Variants in ZFHX3 observed in about 807,000 individuals in gnomAD.
ZFHX3 encodes zinc finger homeobox 3, also known as zinc finger homeobox protein 3.
A neutral mutation model predicts 279.1 loss-of-function variants in ZFHX3; 42 were observed. The observed-to-expected ratio is 0.15, with a 90% CI of 0.12 to 0.19. The LOEUF (loss-of-function observed/expected upper bound fraction) is 0.19, where lower values mean the gene tolerates loss of function less well. Ranked by LOEUF, ZFHX3 falls within the 10% of genes least tolerant of loss-of-function variation. The pLI is 1.00. For synonymous variants in ZFHX3, 2,293 were observed against 1,957.8 expected (o/e 1.17, Z -4.52); for missense variants, 4,981 against 4,754.0 (o/e 1.05, Z -1.40).
At chr16:73,429,395 C>T (rs1206232737) in intron 3 of ZFHX3, among the ~76,000 whole-genome samples, 2 of 151,696 alleles carry the variant, frequency 1.3e-5, no homozygotes, top group African/African-American at 4.8e-5. Context: ...TGTAGTGGTG[C>T]AATCTCGACT....
intron 7 of ZFHX3, among the ~76,000 whole-genome samples, chr16:73,102,976 G>A (rs1471130359): frequency 6.6e-6 from 1 of 152,130 alleles, no homozygotes; most frequent in Admixed American, 6.6e-5. Context: ...CCTAGCTGGA[G>A]TGTGGTGGTG....
chr16:73,635,211 A>G (rs929201518), intron 2 of ZFHX3, among the ~76,000 whole-genome samples: 2 of 152,202 alleles, frequency 1.3e-5, no homozygotes, highest in Admixed American at 6.5e-5. Context: ...TTTATATGGT[A>G]TAATTACAAA....
intron 1 of ZFHX3, among the ~76,000 whole-genome samples, chr16:73,780,988 T>C (rs1221662823): frequency 6.6e-6 from 1 of 152,198 alleles, no homozygotes; most frequent in East Asian, 1.9e-4. Flanking sequence ...GAAGAAGACT[T>C]GCATGTAAAA....
chr16:73,035,759 G>A (rs998765349), intron 1 of ZFHX3, among the ~76,000 whole-genome samples: 5 of 152,150 alleles, frequency 3.3e-5, no homozygotes, highest in Non-Finnish European at 5.9e-5. Flanking sequence ...AGCCGGGCAT[G>A]GTGGAAAACC....
At chr16:73,406,557 G>A (rs566645316) in intron 3 of ZFHX3, among the ~76,000 whole-genome samples, 9 of 152,250 alleles carry the variant, frequency 5.9e-5, no homozygotes, top group Non-Finnish European at 8.8e-5. Context: ...TCAACAATTC[G>A]TATGGAATGC....
chr16:73,199,130 G>C (rs572176242), intron 5 of ZFHX3, among the ~76,000 whole-genome samples: 1 of 152,318 alleles, frequency 6.6e-6, no homozygotes, highest in East Asian at 1.9e-4. Flanking sequence ...GGAAACTGAT[G>C]TCCAGGTTCA....
At chr16:73,044,117 A>G (rs952165140) in intron 1 of ZFHX3, among the ~76,000 whole-genome samples, 3 of 147,856 alleles carry the variant, frequency 2.0e-5, no homozygotes, top group Non-Finnish European at 3.0e-5. Flanking sequence ...CCTAGATTCT[A>G]TTAAAACTGG....
intron 3 of ZFHX3, among the ~76,000 whole-genome samples, chr16:72,911,733 C>T (rs549005332): frequency 6.6e-6 from 1 of 152,290 alleles, no homozygotes; most frequent in African/African-American, 2.4e-5. Flanking sequence ...TCGATGGCCC[C>T]GTGTGGCTGG....
chr16:73,109,642 A>G (rs887875452), intron 7 of ZFHX3, among the ~76,000 whole-genome samples: 1 of 152,326 alleles, frequency 6.6e-6, no homozygotes. Flanking sequence ...TGAGGCCAGC[A>G]GTTCAAGATC....
chr16:72,813,686 G>C (rs1349683483), intron 5 of ZFHX3, among the ~76,000 whole-genome samples: 1 of 152,102 alleles, frequency 6.6e-6, no homozygotes, highest in African/African-American at 2.4e-5. Flanking sequence ...GTCTCGAATC[G>C]ACTTCAAACC....
chr16:73,180,501 C>T (rs1435162655), intron 5 of ZFHX3, among the ~76,000 whole-genome samples: 1 of 152,168 alleles, frequency 6.6e-6, no homozygotes, highest in Admixed American at 6.5e-5. Context: ...AAGCCACGCC[C>T]ATCAGAGGTT....
Position 72,793,590 on chromosome 16 carries a change from A to G in ZFHX3, c.9092T>C (p.Ile3031Thr). Residue 3031 changes from isoleucine to threonine, a missense_variant, in exon 9 of 10, where the codon ATC becomes ACC. By Grantham distance (89) the Ile-to-Thr change is moderately conservative. Coordinates refer to ENST00000268489, the MANE Select transcript of ZFHX3 (RefSeq NM_006885.4). This position sits in a 1 kb window ranked among gnomAD's most constrained non-coding sequence, Gnocchi z 4.3. ...GPKTECTLCG[I>T]KYSARLSVRD... ...TACAGACAGCCGAGCGCTGTACTTGATGCCACACAAAGTGCACTCTGTTTT... is the reference window on the plus strand; with the variant it reads ...TACAGACAGCCGAGCGCTGTACTTGGTGCCACACAAAGTGCACTCTGTTTT... 1.2e-6 allele frequency: 2 copies of G among 1,614,216 alleles called. No homozygotes were observed. The highest frequency in any genetic ancestry group is 1.7e-6 in the Non-Finnish European group (2 of 1,180,044).
intron 2 of ZFHX3, among the ~76,000 whole-genome samples, chr16:73,580,912 G>A (rs1036216077): frequency 6.6e-6 from 1 of 151,768 alleles, no homozygotes; most frequent in African/African-American, 2.4e-5. Context: ...AAGATATCTT[G>A]CTGTGACCTT....
intron 4 of ZFHX3, among the ~76,000 whole-genome samples, chr16:73,299,544 A>G (rs74030043): frequency 0.02 from 3,046 of 152,250 alleles, 58 homozygotes; most frequent in South Asian, 0.072. Context: ...ATGTGGCGAT[A>G]TAAATCTTGA....
At chr16:73,459,740 A>T (rs1597343762) in intron 2 of ZFHX3, among the ~76,000 whole-genome samples, 3 of 152,064 alleles carry the variant, frequency 2.0e-5, no homozygotes, top group African/African-American at 7.2e-5. Flanking sequence ...TCATGGCAGG[A>T]GATAAAGGGG....
chr16:73,685,307 C>T lies in ZFHX3; in HGVS notation c.-1607-5067G>A, dbSNP rs62042368. On this transcript the variant is annotated intron_variant, in intron 1 of 17. Coordinates refer to the ZFHX3 transcript ENST00000641206. Reference sequence around the variant, plus strand: ...CTGGGATTACAGGCGTGAGCCACCACGCTCAGCCCACAAGGGTCTTTTAAA... The same window carrying T: ...CTGGGATTACAGGCGTGAGCCACCATGCTCAGCCCACAAGGGTCTTTTAAA... Among the ~76,000 whole-genome samples, 630 of 152,282 alleles carry T rather than the reference C, an allele frequency of 4.1e-3. 7 individuals are homozygous for T. Among genetic ancestry groups the T allele is most frequent in the Non-Finnish European group, 3.5e-3 (238 of 68,028 alleles).
chr16:73,620,808 T>C (rs1311896259), intron 2 of ZFHX3, among the ~76,000 whole-genome samples: 1 of 152,212 alleles, frequency 6.6e-6, no homozygotes, highest in Non-Finnish European at 1.5e-5. Context: ...GAATAAACAT[T>C]TCAAAACAGG....
At chr16:73,645,682 A>G (rs1185865570) in intron 2 of ZFHX3, among the ~76,000 whole-genome samples, 3 of 152,232 alleles carry the variant, frequency 2.0e-5, no homozygotes, top group Non-Finnish European at 4.4e-5. Flanking sequence ...GCATTTATTA[A>G]TAATGCTTTG....
At chr16:73,412,030 A>G (rs1439500408) in intron 3 of ZFHX3, among the ~76,000 whole-genome samples, 3 of 152,186 alleles carry the variant, frequency 2.0e-5, no homozygotes, top group East Asian at 1.9e-4. Flanking sequence ...AGACTTTCCA[A>G]TAAAAATAAA....
Sources: allele counts gnomAD v4.1 joint callset (sites outside exome capture counted in the v4.1 genomes callset), GRCh38; gene constraint gnomAD v4.1.1; non-coding constraint Gnocchi (gnomAD v3.1); transcripts MANE v1.5; gene names NCBI Gene and HGNC (gene_info 2026-07-23, HGNC 2026-07-21).